The following TM2D1 variants were observed in gnomAD, a reference collection of about 807,000 sequenced individuals.
The protein encoded by TM2D1 is TM2 domain-containing protein 1.
TM2D1 carries 15 observed loss-of-function variants against 28.4 expected under a neutral mutation model. The observed-to-expected ratio is 0.53, with a 90% CI of 0.35 to 0.81. The LOEUF is 0.81. Among genes scored for constraint, TM2D1 ranks in the 40% least tolerant of loss-of-function variants. The pLI, the probability that TM2D1 is intolerant of heterozygous loss-of-function variation, is 0.01. For missense variants in TM2D1, 236 were observed against 254.9 expected (o/e 0.93, Z 0.50); for synonymous variants, 93 against 96.2 (o/e 0.97, Z 0.20).
intron 5 of TM2D1, among the ~76,000 whole-genome samples, chr1:61,691,921 T>TAA (rs1316880566): frequency 0.036 from 2,250 of 61,940 alleles, 135 homozygotes; most frequent in East Asian, 0.24. Context: ...AAAAAAAACT[T>TAA]AAAAAAAAAA....
intron 5 of TM2D1, among the ~76,000 whole-genome samples, chr1:61,692,107 A>T (rs1644332521): frequency 6.6e-6 from 1 of 150,854 alleles, no homozygotes; most frequent in South Asian, 2.1e-4. Flanking sequence ...ACTGATTTAG[A>T]TTTTCTGGAC....
intron 5 of TM2D1, chr1:61,686,650 G>C (rs983379310): frequency 3.1e-6 from 1 of 317,902 alleles, no homozygotes; most frequent in African/African-American, 2.2e-5. Context: ...GGGAAACAGA[G>C]TGAGGCTCTA....
chr1:61,690,465 A>G (rs1042715563), intron 5 of TM2D1, among the ~76,000 whole-genome samples: 7 of 150,754 alleles, frequency 4.6e-5, no homozygotes, highest in Non-Finnish European at 7.4e-5. Context: ...TCAAAAAAAA[A>G]AAAAAAAAAA....
At position 61,725,092 on chromosome 1, in the gene TM2D1, G is replaced by A. The variant is rs770892201; in HGVS notation, c.29C>T (p.Ser10Phe). The A allele has an allele frequency of 5.2e-5, 84 of 1,613,622 alleles. No homozygotes were observed. The highest frequency in any genetic ancestry group is 7.0e-5 in the Non-Finnish European group (83 of 1,179,908). Reference protein sequence around the residue: MAAAWPSGPSAPEAVTARLV... With the variant: MAAAWPSGPFAPEAVTARLV... Reference sequence around the variant, plus strand: ...TCTGGCCGTCACGGCCTCCGGAGCAGACGGACCAGACGGCCAGGCGGCCGC... The same window carrying A: ...TCTGGCCGTCACGGCCTCCGGAGCAAACGGACCAGACGGCCAGGCGGCCGC... Residue 10 changes from serine (S) to phenylalanine (F), a missense_variant, in exon 1 of 7, where the codon TCT becomes TTT. Physicochemically the swap from Ser to Phe is radical, Grantham distance 155 (BLOSUM62 -2). Transcript: ENST00000606498.
chr1:61,692,980 C>A (rs147854600), intron 5 of TM2D1, among the ~76,000 whole-genome samples: 1 of 152,222 alleles, frequency 6.6e-6, no homozygotes, highest in African/African-American at 2.4e-5. Context: ...CAGTTGCTCA[C>A]GCCTGTAATA....
Position 61,725,108 on chromosome 1 carries a change from A to G in TM2D1, c.13T>C (p.Trp5Arg), listed in dbSNP as rs200054903. 1.2e-3 allele frequency: 2,009 copies of G among 1,613,496 alleles called. 25 individuals are homozygous for G. The African/African-American group carries it at 0.023, about 19-fold the overall frequency. The change falls in exon 1 of 7, where the codon TGG (tryptophan) becomes CGG (arginine). Residue 5 changes from tryptophan to arginine, a missense_variant. Trp to Arg is a moderately radical substitution (Grantham distance 101). Coordinates refer to ENST00000606498, the MANE Select transcript of TM2D1 (RefSeq NM_032027.3). MAAA[W>R]PSGPSAPEAV... ...TCCGGAGCAGACGGACCAGACGGCC[A>G]GGCGGCCGCCATCTTGGAGACCGAC...
chr1:61,699,942 A>T, intron 4 of TM2D1: 1 of 427,654 alleles, frequency 2.3e-6, no homozygotes, highest in Non-Finnish European at 3.8e-6. Flanking sequence ...CCCCACAGTG[A>T]AGACTTCTCT....
chr1:61,716,771 T>C lies in TM2D1; in HGVS notation c.238+6942A>G, dbSNP rs567245087. On this transcript the variant is annotated intron_variant, in intron 2 of 6. Coordinates refer to ENST00000606498, the MANE Select transcript of TM2D1 (RefSeq NM_032027.3). ...GAAGCCTACAACCCTAGAGTTTATT[T>C]GTTTAGACATACTTTATAATGATTT... Among the ~76,000 whole-genome samples the C allele has an allele frequency of 3.9e-4, 59 of 152,042 alleles. 1 individual carries two copies. The highest frequency in any genetic ancestry group is 1.3e-3 in the African/African-American group (55 of 41,526).
chr1:61,717,900 G>C (rs1644534375), intron 2 of TM2D1, among the ~76,000 whole-genome samples: 1 of 152,138 alleles, frequency 6.6e-6, no homozygotes, highest in Non-Finnish European at 1.5e-5. Flanking sequence ...TGTAATCCCA[G>C]CTACTTGGGT....
chr1:61,687,865 G>C (rs1195145885), intron 5 of TM2D1, among the ~76,000 whole-genome samples: 1 of 152,190 alleles, frequency 6.6e-6, no homozygotes, highest in Non-Finnish European at 1.5e-5. Context: ...TCAGCTGTCT[G>C]CAAGTAAAGG....
At chr1:61,716,570 T>G (rs1345296434) in intron 2 of TM2D1, among the ~76,000 whole-genome samples, 1 of 142,614 alleles carries the variant, frequency 7.0e-6, no homozygotes, top group Non-Finnish European at 1.5e-5. Context: ...TTTATATATG[T>G]ATATAATTTT....
At position 61,693,500 on chromosome 1, in the gene TM2D1, T is replaced by G. The variant is rs546187019; in HGVS notation, c.513+1197A>C. Among the ~76,000 whole-genome samples, 3 of 152,318 alleles carry G rather than the reference T, an allele frequency of 2.0e-5. No individual in the cohort carries two copies. In the East Asian group the frequency reaches 5.8e-4, roughly 29 times the overall value. The stretch of plus-strand genomic sequence containing the variant: ...TGAGAAGCTCATTTCTAAGCATATG[T>G]GCACAAGTACCTTAGCCTCTTCATG... On this transcript the variant is annotated intron_variant, in intron 5 of 6. Transcript: ENST00000606498.
intron 2 of TM2D1, 66 bp from the exon 3 acceptor site, chr1:61,709,503 T>A: frequency 8.9e-7 from 1 of 1,117,402 alleles, no homozygotes; most frequent in Non-Finnish European, 1.3e-6. Flanking sequence ...GTAATTGTTC[T>A]AAGACTAGCA....
chr1:61,691,090 T>C (rs987207738), intron 5 of TM2D1, among the ~76,000 whole-genome samples: 2 of 152,200 alleles, frequency 1.3e-5, no homozygotes, highest in African/African-American at 4.8e-5. Flanking sequence ...ATTTCCATTT[T>C]CCCTCCACAT....
At chr1:61,699,376 T>A (rs1570107070) in intron 4 of TM2D1, 1 of 151,712 alleles carries the variant, frequency 6.6e-6, no homozygotes, top group African/African-American at 2.4e-5. Context: ...AAAGAAAAAA[T>A]ATTCTATTGC....
chr1:61,688,336 TC>T (rs1364774219), intron 5 of TM2D1, among the ~76,000 whole-genome samples: 3 of 152,194 alleles, frequency 2.0e-5, no homozygotes, highest in African/African-American at 4.8e-5. Flanking sequence ...ACTCAAATGA[TC>T]AGTCACTTCG....
chr1:61,711,854 G>C (rs561162686), intron 2 of TM2D1, among the ~76,000 whole-genome samples: 1 of 151,964 alleles, frequency 6.6e-6, no homozygotes, highest in African/African-American at 2.4e-5. Context: ...CTGAAATGTT[G>C]ATATAAATTC....
At chr1:61,701,062 T>A in intron 3 of TM2D1, 37 bp from the exon 4 acceptor site, 1 of 1,525,230 alleles carries the variant, frequency 6.6e-7, no homozygotes, top group Non-Finnish European at 9.0e-7. Flanking sequence ...ATATTTCCAA[T>A]GTGAACATTT....
chr1:61,687,735 T>A (rs1215389087), intron 5 of TM2D1, among the ~76,000 whole-genome samples: 1 of 152,174 alleles, frequency 6.6e-6, no homozygotes, highest in Non-Finnish European at 1.5e-5. Flanking sequence ...TATATCAATC[T>A]ATGCTTTCTC....
Sources: allele counts gnomAD v4.1 joint callset (sites outside exome capture counted in the v4.1 genomes callset), GRCh38; gene constraint gnomAD v4.1.1; transcripts MANE v1.5; gene names NCBI Gene and HGNC (gene_info 2026-07-23, HGNC 2026-07-21).